Variants in BATF observed in about 807,000 individuals in gnomAD.
BATF encodes basic leucine zipper ATF-like transcription factor.
A neutral mutation model predicts 13.7 loss-of-function variants in BATF; 5 were observed. The ratio of observed to expected loss-of-function variants is 0.36; its 90% CI spans 0.19 to 0.77. BATF has a LOEUF of 0.77. Among genes scored for constraint, BATF ranks in the 30% least tolerant of loss-of-function variants. The probability of loss-of-function intolerance (pLI) is 0.51; values close to 1 mark genes in which losing one functional copy is unlikely to be tolerated. For missense variants in BATF, 124 were observed against 163.0 expected, an observed-to-expected ratio of 0.76 and a Z score of 1.30; for synonymous variants, 72 against 67.5, an observed-to-expected ratio of 1.07 and a Z score of -0.33.
intron 2 of BATF, among the ~76,000 whole-genome samples, chr14:75,536,776 T>G (rs1445827437): frequency 1.6e-5 from 1 of 61,512 alleles, no homozygotes; most frequent in Non-Finnish European, 4.1e-5. Flanking sequence ...ATTGTGCTGC[T>G]AGGAGCAGGA....
chr14:75,543,388 G>C (rs1289198657), intron 2 of BATF, among the ~76,000 whole-genome samples: 2 of 152,102 alleles, frequency 1.3e-5, no homozygotes, highest in African/African-American at 2.4e-5. Flanking sequence ...GCTTGTGTCT[G>C]TCCTTCACAG....
At chr14:75,531,145 A>G (rs1472021215) in intron 2 of BATF, among the ~76,000 whole-genome samples, 2 of 152,228 alleles carry the variant, frequency 1.3e-5, no homozygotes, top group Non-Finnish European at 2.9e-5. Flanking sequence ...TCTTGACGTT[A>G]TCTTTTGAAC....
intron 2 of BATF, among the ~76,000 whole-genome samples, chr14:75,525,435 G>T (rs1395487237): frequency 3.3e-5 from 5 of 151,956 alleles, no homozygotes; most frequent in African/African-American, 1.2e-4. Flanking sequence ...GGCCAAGGCG[G>T]GTGGGTCACC....
chr14:75,530,010 A>G lies in BATF; in HGVS notation c.168+4822A>G, dbSNP rs569224430. Among the ~76,000 whole-genome samples the G allele has an allele frequency of 5.3e-5, 8 of 149,552 alleles. No homozygotes were observed. The South Asian group carries it at 1.1e-3, about 20-fold the overall frequency. On this transcript the variant is annotated intron_variant, in intron 2 of 2. Transcript: ENST00000286639. ...ACCCGGGAGGCGGAGCTTGCAGTGAACCAAGATAGCGCCACTGCACTCCAG... is the reference window on the plus strand; with the variant it reads ...ACCCGGGAGGCGGAGCTTGCAGTGAGCCAAGATAGCGCCACTGCACTCCAG...
chr14:75,546,736 T>A lies in BATF; in HGVS notation c.*65T>A. On this transcript the variant is annotated 3_prime_UTR_variant, in exon 3 of 3. Coordinates refer to ENST00000286639, the MANE Select transcript of BATF (RefSeq NM_006399.5). ...ACAGACTGTGGCAGAGCTGCGCCCA[T>A]CCCGCAGAGGCCCCTGTCCACCTGG... The A allele has an allele frequency of 2.0e-6, 3 of 1,470,466 alleles. No homozygotes were observed. Among genetic ancestry groups the A allele is most frequent in the Middle Eastern group, 4.6e-4 (2 of 4,316 alleles). The allele number at this position is 1,470,466 out of a possible 1,614,324, so 91.1% of individuals were successfully genotyped here. A position where few individuals can be genotyped will look rare whatever the true frequency, so the allele number is the denominator to read the frequency against.
intron 2 of BATF, among the ~76,000 whole-genome samples, chr14:75,542,187 C>A (rs1887906208): frequency 6.6e-6 from 1 of 152,212 alleles, no homozygotes; most frequent in Non-Finnish European, 1.5e-5. Context: ...AGCCTGTGGT[C>A]ATTTTGGAGG....
intron 2 of BATF, among the ~76,000 whole-genome samples, chr14:75,536,043 G>A (rs145823205): frequency 1.1e-4 from 16 of 152,170 alleles, no homozygotes; most frequent in Non-Finnish European, 1.3e-4. Context: ...GGAACAGTTC[G>A]TTCTAGGCAC....
rs1209216453 is a variant in BATF at position 75,546,449 on chromosome 14, C to T, written c.169-13C>T. On this transcript the variant is annotated splice_polypyrimidine_tract_variant and intron_variant, in intron 2 of 2. Coordinates refer to ENST00000286639, the MANE Select transcript of BATF (RefSeq NM_006399.5). Reference sequence around the variant, plus strand: ...TAGACACTAACCTCCGGTGCTGATCCCCACCCCTACAGGAGAGCGAAGACC... The same window carrying T: ...TAGACACTAACCTCCGGTGCTGATCTCCACCCCTACAGGAGAGCGAAGACC... The T allele has an allele frequency of 1.2e-6, 2 of 1,613,856 alleles. No homozygotes were observed. The highest frequency in any genetic ancestry group is 1.1e-5 in the South Asian group (1 of 91,044).
At chr14:75,533,295 G>A (rs368405129) in intron 2 of BATF, among the ~76,000 whole-genome samples, 1 of 152,054 alleles carries the variant, frequency 6.6e-6, no homozygotes, top group East Asian at 1.9e-4. Context: ...AGGCGTGGTG[G>A]CGGGCGCCTG....
At chr14:75,527,486 C>A (rs1416333276) in intron 2 of BATF, among the ~76,000 whole-genome samples, 3 of 152,198 alleles carry the variant, frequency 2.0e-5, no homozygotes, top group Non-Finnish European at 2.9e-5. Context: ...TGTTAAGCTG[C>A]ACCCCTGTCT....
At chr14:75,539,722 A>G (rs775643509) in intron 2 of BATF, among the ~76,000 whole-genome samples, 1 of 152,076 alleles carries the variant, frequency 6.6e-6, no homozygotes, top group Non-Finnish European at 1.5e-5. Context: ...CTCCAGAATC[A>G]CACACGTGCA....
chr14:75,528,687 T>A (rs1887687594), intron 2 of BATF, among the ~76,000 whole-genome samples: 1 of 152,176 alleles, frequency 6.6e-6, no homozygotes, highest in South Asian at 2.1e-4. Flanking sequence ...CAGATGTTGA[T>A]TAAAAAAGAG....
At chr14:75,533,448 A>G (rs1033496082) in intron 2 of BATF, among the ~76,000 whole-genome samples, 3 of 149,692 alleles carry the variant, frequency 2.0e-5, no homozygotes, top group Non-Finnish European at 4.5e-5. Flanking sequence ...AAAAAAAAAG[A>G]ATGACTGTCT....
At chr14:75,527,811 C>T (rs1233207850) in intron 2 of BATF, among the ~76,000 whole-genome samples, 1 of 152,238 alleles carries the variant, frequency 6.6e-6, no homozygotes, top group African/African-American at 2.4e-5. Context: ...TCCTCCACTG[C>T]TTTCTTTTGA....
At chr14:75,523,254 G>A (rs1219478541) in intron 1 of BATF, among the ~76,000 whole-genome samples, 1 of 151,958 alleles carries the variant, frequency 6.6e-6, no homozygotes, top group Non-Finnish European at 1.5e-5. Flanking sequence ...AGGAGGAGGA[G>A]GAGGAGAAAC....
chr14:75,546,933 T>A lies in BATF; in HGVS notation c.*262T>A. On this transcript the variant is annotated 3_prime_UTR_variant, in exon 3 of 3. Coordinates refer to ENST00000286639, the MANE Select transcript of BATF (RefSeq NM_006399.5). ...TATTAAGAAAGATGCTCAAGTCCCA[T>A]GGCACAGAGCAAGGCGGGCAGGGAA... is the stretch of plus-strand genomic sequence containing the variant. 2.8e-6 allele frequency: 2 copies of A among 704,642 alleles called. No homozygotes were observed. The highest frequency in any genetic ancestry group is 5.2e-6 in the Non-Finnish European group (2 of 386,898). The allele number at this position is 704,642 out of a possible 1,614,324, so 43.6% of individuals were successfully genotyped here. A position where few individuals can be genotyped will look rare whatever the true frequency, so the allele number is the denominator to read the frequency against.
intron 2 of BATF, among the ~76,000 whole-genome samples, chr14:75,525,999 G>T (rs117444123): frequency 3.3e-5 from 5 of 152,306 alleles, no homozygotes; most frequent in African/African-American, 4.8e-5. Context: ...GTCTATGAAA[G>T]ATGCAATTTC....
At chr14:75,524,056 C>T (rs1186457771) in intron 1 of BATF, among the ~76,000 whole-genome samples, 1 of 152,130 alleles carries the variant, frequency 6.6e-6, no homozygotes, top group Non-Finnish European at 1.5e-5. Flanking sequence ...GAGCCCAGTA[C>T]TTAGTGATCC....
At chr14:75,524,696 C>G (rs1005415501) in intron 1 of BATF, among the ~76,000 whole-genome samples, 3 of 152,038 alleles carry the variant, frequency 2.0e-5, no homozygotes, top group Admixed American at 2.0e-4. Flanking sequence ...AAGAAAACAG[C>G]TAAAAGAACA....
Sources: allele counts gnomAD v4.1 joint callset (sites outside exome capture counted in the v4.1 genomes callset), GRCh38; gene constraint gnomAD v4.1.1; transcripts MANE v1.5; gene names NCBI Gene and HGNC (gene_info 2026-07-23, HGNC 2026-07-21).